Variants in PDE1A observed in about 807,000 individuals in gnomAD.
The protein encoded by PDE1A is dual specificity calcium/calmodulin-dependent 3',5'-cyclic nucleotide phosphodiesterase 1A.
PDE1A carries 35 observed loss-of-function variants against 61.7 expected under a neutral mutation model. That is an observed-to-expected ratio of 0.57 (90% confidence interval 0.43 to 0.75). The LOEUF is 0.75. PDE1A is among the 30% of genes least tolerant of loss of function. PDE1A has a pLI of 0.00. For missense variants in PDE1A, 597 were observed against 630.6 expected (o/e 0.95, Z 0.57); for synonymous variants, 232 against 213.2 (o/e 1.09, Z -0.77).
chr2:182,364,989 T>G (rs1699758468), intron 1 of PDE1A, among the ~76,000 whole-genome samples: 1 of 152,056 alleles, frequency 6.6e-6, no homozygotes, highest in Non-Finnish European at 1.5e-5. Flanking sequence ...TGACAGCTAA[T>G]AGTTTTTCAG....
intron 2 of PDE1A, among the ~76,000 whole-genome samples, chr2:182,488,308 A>T (rs1446692988): frequency 1.3e-5 from 2 of 152,208 alleles, no homozygotes; most frequent in Non-Finnish European, 2.9e-5. Flanking sequence ...TCCCTATGTC[A>T]AAATTTAATT....
At chr2:182,552,178 G>C in the PDE1A span, among the ~76,000 whole-genome samples, 2 of 152,084 alleles carry the variant, frequency 1.3e-5, no homozygotes, top group Non-Finnish European at 2.9e-5. Context: ...AAGTCATATT[G>C]GGCCTGAGTA....
chr2:182,306,395 T>G (rs1384818637), intron 1 of PDE1A, among the ~76,000 whole-genome samples: 1 of 152,120 alleles, frequency 6.6e-6, no homozygotes, highest in Non-Finnish European at 1.5e-5. Flanking sequence ...TTTTAGTTTT[T>G]GAGTAATCTC....
downstream of PDE1A, among the ~76,000 whole-genome samples, chr2:182,145,424 G>A (rs906060960): frequency 1.3e-5 from 2 of 151,996 alleles, no homozygotes; most frequent in African/African-American, 4.8e-5. Context: ...CTTTGAGCGG[G>A]CCGCACACAA....
chr2:182,281,951 C>G (rs1693839125), intron 1 of PDE1A, among the ~76,000 whole-genome samples: 1 of 151,728 alleles, frequency 6.6e-6, no homozygotes, highest in Non-Finnish European at 1.5e-5. Flanking sequence ...ATTATTGATA[C>G]CATTTTGTAT....
intron 1 of PDE1A, among the ~76,000 whole-genome samples, chr2:182,374,710 A>C (rs1011856671): frequency 6.6e-6 from 1 of 152,246 alleles, no homozygotes; most frequent in Non-Finnish European, 1.5e-5. Context: ...GAATAAGCAC[A>C]TAAAAAGATG....
chr2:182,694,444 A>G, the PDE1A span, among the ~76,000 whole-genome samples: 1 of 152,166 alleles, frequency 6.6e-6, no homozygotes, highest in African/African-American at 2.4e-5. Context: ...GAGCATCGGG[A>G]ATCCACTCCA....
chr2:182,169,914 A>ACACACG (rs1553520053), intron 13 of PDE1A, among the ~76,000 whole-genome samples: 5,525 of 101,418 alleles, frequency 0.054, 167 homozygotes, highest in African/African-American at 0.13. Flanking sequence ...ACACACACAC[A>ACACACG]CACACACGCA....
At chr2:182,669,842 G>T in the PDE1A span, among the ~76,000 whole-genome samples, 2 of 152,180 alleles carry the variant, frequency 1.3e-5, no homozygotes, top group South Asian at 4.1e-4. Context: ...CTGCGTGTGC[G>T]TTCTGAGCTA....
upstream of PDE1A, among the ~76,000 whole-genome samples, chr2:182,431,680 T>C (rs1159330598): frequency 1.3e-5 from 2 of 152,122 alleles, no homozygotes; most frequent in African/African-American, 4.8e-5. Flanking sequence ...AAGAAGCTAG[T>C]AGATACATGA....
intron 1 of PDE1A, among the ~76,000 whole-genome samples, chr2:182,286,301 T>C (rs1256892393): frequency 6.6e-6 from 1 of 152,166 alleles, no homozygotes; most frequent in Admixed American, 6.5e-5. Flanking sequence ...GGGTCCTCCC[T>C]ACCTTTCTCC....
intron 13 of PDE1A, among the ~76,000 whole-genome samples, chr2:182,151,464 G>T (rs115579507): frequency 0.017 from 2,597 of 152,196 alleles, 77 homozygotes; most frequent in African/African-American, 0.059. Context: ...GACATAGCTT[G>T]AAAACTATCT....
At chr2:182,338,224 T>G (rs1559352663) in intron 1 of PDE1A, among the ~76,000 whole-genome samples, 1 of 152,202 alleles carries the variant, frequency 6.6e-6, no homozygotes, top group Non-Finnish European at 1.5e-5. Context: ...ACCCTGACTC[T>G]AACACCCAGT....
At chr2:182,357,845 A>C (rs1699283722) in intron 1 of PDE1A, among the ~76,000 whole-genome samples, 1 of 152,220 alleles carries the variant, frequency 6.6e-6, no homozygotes, top group African/African-American at 2.4e-5. Flanking sequence ...CCACTGAGTT[A>C]AGGCACATGC....
intron 2 of PDE1A, among the ~76,000 whole-genome samples, chr2:182,516,364 T>A (rs868521197): frequency 1.3e-4 from 20 of 152,058 alleles, no homozygotes; most frequent in South Asian, 2.1e-4. Flanking sequence ...CGAGCCTTTG[T>A]GATTGGCCAG....
intron 1 of PDE1A, among the ~76,000 whole-genome samples, chr2:182,352,344 C>T (rs1045037189): frequency 2.0e-5 from 3 of 152,190 alleles, no homozygotes; most frequent in Non-Finnish European, 4.4e-5. Flanking sequence ...CATGTTGATA[C>T]TCATGCTGCT....
At chr2:182,431,570 C>G (rs577887855), upstream of PDE1A, among the ~76,000 whole-genome samples, 1 of 152,234 alleles carries the variant, frequency 6.6e-6, no homozygotes, top group South Asian at 2.1e-4. Flanking sequence ...TTCGAGATAA[C>G]TTAAATCTGA....
At chr2:182,582,721 T>C in the PDE1A span, among the ~76,000 whole-genome samples, 1 of 152,092 alleles carries the variant, frequency 6.6e-6, no homozygotes, top group Non-Finnish European at 1.5e-5. Flanking sequence ...AAAGCTTGAG[T>C]TGAGATCAAA....
chr2:182,499,181 T>TTTTTG (rs1553633035), intron 2 of PDE1A, among the ~76,000 whole-genome samples: 8 of 114,060 alleles, frequency 7.0e-5, no homozygotes, highest in African/African-American at 4.1e-4. Context: ...TTGTTTTTTT[T>TTTTTG]TTTTTTTTTT....
Sources: gnomAD v4.1 joint callset for allele counts (sites outside exome capture counted in the v4.1 genomes callset) on GRCh38, gnomAD v4.1.1 for gene constraint, MANE v1.5 for transcripts, NCBI Gene and HGNC (gene_info 2026-07-23, HGNC 2026-07-21) for gene names.